The following ITPRID2 variants were observed in gnomAD, a reference collection of about 807,000 sequenced individuals.
ITPRID2 encodes the protein ITPR interacting domain containing 2.
Under a neutral mutation model 124.3 loss-of-function variants are expected in ITPRID2, and 60 were observed. The ratio of observed to expected loss-of-function variants is 0.48; its 90% CI spans 0.39 to 0.60. The LOEUF is 0.60. Ranked by LOEUF, ITPRID2 falls within the 20% of genes least tolerant of loss-of-function variation. The probability of loss-of-function intolerance (pLI) is 0.00; values close to 1 mark genes in which losing one functional copy is unlikely to be tolerated. For synonymous variants in ITPRID2, 521 were observed against 542.9 expected (o/e 0.96, Z 0.56); for missense variants, 1,553 against 1,512.2 (o/e 1.03, Z -0.45).
At chr2:181,929,160 C>T (rs909345504) in intron 17 of ITPRID2, among the ~76,000 whole-genome samples, 5 of 151,308 alleles carry the variant, frequency 3.3e-5, no homozygotes, top group Admixed American at 6.6e-5. Flanking sequence ...TAGCCTCAAG[C>T]GATCCTCCTG....
At chr2:181,915,122 A>C in intron 10 of ITPRID2, 94 bp from the exon 11 acceptor site, 3 of 1,422,372 alleles carry the variant, frequency 2.1e-6, no homozygotes, top group Non-Finnish European at 2.9e-6. Flanking sequence ...CAGTGGAGAC[A>C]GTGAAATTAT....
chr2:181,916,260 T>C lies in ITPRID2; in HGVS notation c.2620T>C (p.Ser874Pro). 6.2e-7 allele frequency: 1 copy of C among 1,614,172 alleles called. No individual in the cohort carries two copies. Among genetic ancestry groups the C allele is most frequent in the Non-Finnish European group, 8.5e-7 (1 of 1,180,028 alleles). ...TLSTHSVPNI[S>P]GATCSAFASP... Reference sequence around the variant, plus strand: ...GAGCACTCACAGTGTTCCCAACATATCAGGGGCTACTTGTAGTGCCTTCGC... The same window carrying C: ...GAGCACTCACAGTGTTCCCAACATACCAGGGGCTACTTGTAGTGCCTTCGC... Residue 874 changes from serine to proline, a missense_variant, in exon 11 of 18, where the codon TCA becomes CCA. By Grantham distance (74) the Ser-to-Pro change is moderately conservative. Coordinates refer to ENST00000431877, the MANE Select transcript of ITPRID2 (RefSeq NM_001130445.3).
Position 181,920,676 on chromosome 2 carries a change from C to T in ITPRID2, c.3210+14C>T, listed in dbSNP as rs374299312. 5.0e-6 allele frequency: 8 copies of T among 1,602,786 alleles called. No homozygotes were observed. The African/African-American group carries it at 9.4e-5, about 19-fold the overall frequency. The stretch of plus-strand genomic sequence containing the variant: ...GTAATGGAACCAGTAAGCTTCTTTC[C>T]TCTTAAATCACTGGGGAAGGGAATG... On this transcript the variant is annotated intron_variant, in intron 15 of 17. Coordinates refer to ENST00000431877, the MANE Select transcript of ITPRID2 (RefSeq NM_001130445.3).
Position 181,891,845 on chromosome 2 carries a change from G to C in ITPRID2, c.-222G>C. The C allele has an allele frequency of 3.2e-6, 1 of 315,670 alleles. No individual in the cohort carries two copies. The highest frequency in any genetic ancestry group is 2.9e-5 in the South Asian group (1 of 34,156). 19.6% of individuals were successfully genotyped at this position (315,670 alleles called of 1,614,324 possible). A position where few individuals can be genotyped will look rare whatever the true frequency, so the allele number is the denominator to read the frequency against. On this transcript the variant is annotated 5_prime_UTR_variant, in exon 1 of 18. Transcript: ENST00000431877. ...TCGGGCCACTAGCGCTCCCGCGCGC[G>C]CCCGGCCGCCTTCATGTGAAGCGCC...
At chr2:181,895,968 T>TA in intron 2 of ITPRID2, 62 bp from the exon 3 acceptor site, 1 of 1,403,856 alleles carries the variant, frequency 7.1e-7, no homozygotes, top group Non-Finnish European at 1.0e-6. Context: ...TAAGGCTGTG[T>TA]AATGACAACT....
At position 181,892,627 on chromosome 2, in the gene ITPRID2, A is replaced by G. The variant is rs758649964; in HGVS notation, c.224A>G (p.Asn75Ser). The change falls in exon 2 of 18, where the codon AAC (asparagine) becomes AGC (serine). Residue 75 changes from asparagine (N) to serine (S), a missense_variant. Coordinates refer to ENST00000431877, the MANE Select transcript of ITPRID2 (RefSeq NM_001130445.3). The surrounding 1 kb of genome is among the most constrained non-coding windows in gnomAD (Gnocchi z 5.2). Reference sequence around the variant, plus strand: ...TCTCTACCCCCAGGAAACGTGCCCAACGAGAAGATCGCGATATGGCTCAAG... The same window carrying G: ...TCTCTACCCCCAGGAAACGTGCCCAGCGAGAAGATCGCGATATGGCTCAAG... ...PAAGGRGNVP[N>S]EKIAIWLKDC... 10 of 1,613,854 alleles carry G rather than the reference A, an allele frequency of 6.2e-6. No individual in the cohort carries two copies. The African/African-American group carries it at 6.7e-5, about 11-fold the overall frequency.
Position 181,902,544 on chromosome 2 carries a change from G to A in ITPRID2, c.1413+78G>A. Reference sequence around the variant, plus strand: ...TACCAAAAATGCTTATAAAATGAGAGGTAGCTAATAGATTTATACTAGAAA... The same window carrying A: ...TACCAAAAATGCTTATAAAATGAGAAGTAGCTAATAGATTTATACTAGAAA... On this transcript the variant is annotated intron_variant, in intron 8 of 17. Coordinates refer to ENST00000431877, the MANE Select transcript of ITPRID2 (RefSeq NM_001130445.3). This position sits in a 1 kb window ranked among gnomAD's most constrained non-coding sequence, Gnocchi z 4.4. The A allele has an allele frequency of 9.4e-7, 1 of 1,067,968 alleles. No individual in the cohort carries two copies. The highest frequency in any genetic ancestry group is 2.6e-5 in the East Asian group (1 of 38,912). The allele number at this position is 1,067,968 out of a possible 1,614,324, so 66.2% of individuals were successfully genotyped here.
In ITPRID2 at chr2:181,901,844, C is replaced by A. The variant is rs1692691777; in HGVS notation, c.791C>A (p.Pro264His). Reference sequence around the variant, plus strand: ...TTATATTCTCAAGTCTCCGGGACGCCCCTGCAGAGAATTGGAAGTATGTCC... The same window carrying A: ...TTATATTCTCAAGTCTCCGGGACGCACCTGCAGAGAATTGGAAGTATGTCC... The part of the protein sequence containing the change: ...SSLYSQVSGT[P>H]LQRIGSMSSV... The change falls in exon 8 of 18, where the codon CCC (proline) becomes CAC (histidine). Residue 264 changes from proline (P) to histidine (H), a missense_variant. Transcript: ENST00000431877. 2 of 1,613,714 alleles carry A rather than the reference C, an allele frequency of 1.2e-6. No individual in the cohort carries two copies. Among genetic ancestry groups the A allele is most frequent in the Admixed American group, 1.7e-5 (1 of 59,960 alleles).
At chr2:181,925,184 T>C (rs936091832) in intron 16 of ITPRID2, among the ~76,000 whole-genome samples, 10 of 152,230 alleles carry the variant, frequency 6.6e-5, no homozygotes, top group African/African-American at 2.4e-4. Context: ...GAAATTTCTT[T>C]TAGTGATCAC....
Position 181,892,932 on chromosome 2 carries a change from A to C in ITPRID2, c.257+272A>C. The C allele has an allele frequency of 1.8e-6, 1 of 543,602 alleles. No homozygotes were observed. 33.7% of individuals were successfully genotyped at this position (543,602 alleles called of 1,614,324 possible). ...AGAGATCAGAAATCCAGAACAGATAATCATGCCATATTTGTTCTGTTTTTA... is the reference window on the plus strand; with the variant it reads ...AGAGATCAGAAATCCAGAACAGATACTCATGCCATATTTGTTCTGTTTTTA... On this transcript the variant is annotated intron_variant, in intron 2 of 17. Transcript: ENST00000431877. The surrounding 1 kb of genome is among the most constrained non-coding windows in gnomAD (Gnocchi z 5.2).
In ITPRID2 at chr2:181,891,991, A is replaced by AG. The variant is rs1384447962; in HGVS notation, c.-75dup. On this transcript the variant is annotated 5_prime_UTR_variant, in exon 1 of 18. Coordinates refer to ENST00000431877, the MANE Select transcript of ITPRID2 (RefSeq NM_001130445.3). Reference sequence around the variant, plus strand: ...GCCCCCTGCCCGGCCGGGCGCTGACAGCAAGGGCGGGGGTCCCTGCCGCCG... The same window carrying AG: ...GCCCCCTGCCCGGCCGGGCGCTGACAGGCAAGGGCGGGGGTCCCTGCCGCCG... 1 of 1,375,130 alleles carries AG rather than the reference A, an allele frequency of 7.3e-7. No homozygotes were observed. The highest frequency in any genetic ancestry group is 3.2e-5 in the East Asian group (1 of 31,380). The allele number at this position is 1,375,130 out of a possible 1,614,324, so 85.2% of individuals were successfully genotyped here. A position where few individuals can be genotyped will look rare whatever the true frequency, so the allele number is the denominator to read the frequency against.
chr2:181,904,320 T>A (rs1457856666), intron 8 of ITPRID2, among the ~76,000 whole-genome samples: 3 of 152,062 alleles, frequency 2.0e-5, no homozygotes, highest in Non-Finnish European at 1.5e-5. Context: ...GGTGGAAGAA[T>A]AATGGGAGAT....
chr2:181,910,108 A>G lies in ITPRID2; in HGVS notation c.1486+137A>G. Reference sequence around the variant, plus strand: ...GAACACACACAGGTAGGCATGATTCACTATTGTTTGTAGAACTTTTTTTGT... The same window carrying G: ...GAACACACACAGGTAGGCATGATTCGCTATTGTTTGTAGAACTTTTTTTGT... On this transcript the variant is annotated intron_variant, in intron 9 of 17. Transcript: ENST00000431877. The surrounding 1 kb of genome is among the most constrained non-coding windows in gnomAD (Gnocchi z 4.1). 1 of 589,534 alleles carries G rather than the reference A, an allele frequency of 1.7e-6. No individual in the cohort carries two copies. The highest frequency in any genetic ancestry group is 3.5e-5 in the Admixed American group (1 of 28,176). 36.5% of individuals were successfully genotyped at this position (589,534 alleles called of 1,614,324 possible).
At chr2:181,911,112 T>G (rs1693570420) in intron 9 of ITPRID2, among the ~76,000 whole-genome samples, 1 of 152,206 alleles carries the variant, frequency 6.6e-6, no homozygotes, top group Non-Finnish European at 1.5e-5. Flanking sequence ...ATCTGGGTTT[T>G]TTCCTTTTCT....
chr2:181,916,979 A>T (rs1694111527), intron 11 of ITPRID2: 1 of 985,950 alleles, frequency 1.0e-6, no homozygotes, highest in Non-Finnish European at 1.2e-6. Context: ...GACTGGAACT[A>T]CTCCAGACCA....
rs989638211 is a variant in ITPRID2 at position 181,910,227 on chromosome 2, T to C, written c.1486+256T>C. ...ACAATTGTGTGTGCTCTAAGTATTT[T>C]ACACTATTGCATAAGAGCTAGTTGG... On this transcript the variant is annotated intron_variant, in intron 9 of 17. Transcript: ENST00000431877. The surrounding 1 kb of genome is among the most constrained non-coding windows in gnomAD (Gnocchi z 4.1). 6.6e-6 allele frequency among the ~76,000 whole-genome samples: 1 copy of C among 152,216 alleles called. No individual in the cohort carries two copies. Among genetic ancestry groups the C allele is most frequent in the Non-Finnish European group, 1.5e-5 (1 of 68,012 alleles).
intron 8 of ITPRID2, among the ~76,000 whole-genome samples, chr2:181,904,552 T>C (rs934623139): frequency 2.6e-4 from 40 of 152,320 alleles, no homozygotes; most frequent in African/African-American, 9.1e-4. Flanking sequence ...TTGAATCATA[T>C]TGACAAATGA....
intron 16 of ITPRID2, among the ~76,000 whole-genome samples, chr2:181,924,905 T>C (rs1043645373): frequency 6.6e-6 from 1 of 152,242 alleles, no homozygotes; most frequent in Non-Finnish European, 1.5e-5. Context: ...ATCAGTGGCC[T>C]GAAACTGTTT....
rs979441783 is a variant in ITPRID2, at chr2:181,930,332, T to C, written c.*785T>C. ...AGTATCATCCAAATAATGGGGCCTA[T>C]GACTTGAATGAATAGAAATGAATAA... On this transcript the variant is annotated 3_prime_UTR_variant, in exon 18 of 18. Coordinates refer to ENST00000431877, the MANE Select transcript of ITPRID2 (RefSeq NM_001130445.3). 1.3e-5 allele frequency: 2 copies of C among 152,592 alleles called. No homozygotes were observed. The highest frequency in any genetic ancestry group is 2.9e-5 in the Non-Finnish European group (2 of 67,980). 9.5% of individuals were successfully genotyped at this position (152,592 alleles called of 1,614,324 possible).
Sources: allele counts gnomAD v4.1 joint callset (sites outside exome capture counted in the v4.1 genomes callset), GRCh38; gene constraint gnomAD v4.1.1; non-coding constraint Gnocchi (gnomAD v3.1); transcripts MANE v1.5; gene names NCBI Gene and HGNC (gene_info 2026-07-23, HGNC 2026-07-21).